Variants in MAP1LC3A observed in about 807,000 individuals in gnomAD.
MAP1LC3A encodes the protein microtubule associated protein 1 light chain 3 alpha, also known as microtubule-associated protein 1 light chain 3 alpha.
A neutral mutation model predicts 15.2 loss-of-function variants in MAP1LC3A; 10 were observed. The observed-to-expected ratio is 0.66, with a 90% CI of 0.41 to 1.12. The LOEUF is 1.12. MAP1LC3A is among the 50% of genes most tolerant of loss of function. The pLI is 0.00. For synonymous variants in MAP1LC3A, 63 were observed against 64.3 expected (o/e 0.98, Z 0.10); for missense variants, 138 against 167.3 (o/e 0.82, Z 0.97).
At chr20:34,559,585 G>A in intron 3 of MAP1LC3A, 132 bp downstream of exon 3, 1 of 1,227,146 alleles carries the variant, frequency 8.1e-7, no homozygotes, top group Non-Finnish European at 1.2e-6. Context: ...TGGCTGGAAA[G>A]GTCAAGGTCG....
At chr20:34,555,365 G>A (rs569754047), upstream of MAP1LC3A, among the ~76,000 whole-genome samples, 26 of 151,520 alleles carry the variant, frequency 1.7e-4, no homozygotes, top group Non-Finnish European at 3.1e-4. Context: ...GGCTGGTCTC[G>A]AACTCCTGGC....
In MAP1LC3A at chr20:34,549,903, A is replaced by T; in HGVS notation, c.-73-2A>T. The stretch of plus-strand genomic sequence containing the variant: ...GCTGATTGCAGGCCCTGTTTCCCCC[A>T]GGACTCCATGGCTTCCGAGTTGCTG... On this transcript the variant is annotated splice_acceptor_variant, in intron 1 of 4. Coordinates refer to the MAP1LC3A transcript ENST00000374837. LOFTEE classifies it low-confidence loss of function (5UTR_SPLICE). 7.5e-7 allele frequency: 1 copy of T among 1,331,896 alleles called. No homozygotes were observed. Among genetic ancestry groups the T allele is most frequent in the South Asian group, 1.2e-5 (1 of 84,348 alleles). 82.5% of individuals were successfully genotyped at this position (1,331,896 alleles called of 1,614,324 possible).
At chr20:34,558,694 G>A, upstream of MAP1LC3A, 1 of 1,271,384 alleles carries the variant, frequency 7.9e-7, no homozygotes, top group Non-Finnish European at 9.9e-7. The surrounding 1 kb of genome is among the most constrained non-coding windows in gnomAD (Gnocchi z 4.3). Flanking sequence ...TCCCCTTTAA[G>A]GAATGTTGTG....
intron 1 of MAP1LC3A, among the ~76,000 whole-genome samples, chr20:34,549,699 G>A (rs1378130858): frequency 6.6e-6 from 1 of 152,176 alleles, no homozygotes; most frequent in Non-Finnish European, 1.5e-5. Flanking sequence ...GCTAGAAAAT[G>A]GGCGGTAACT....
chr20:34,558,928 C>T lies in MAP1LC3A; in HGVS notation c.40+20C>T, dbSNP rs1481276152. On this transcript the variant is annotated intron_variant, in intron 1 of 3. Transcript: ENST00000360668. This position sits in a 1 kb window ranked among gnomAD's most constrained non-coding sequence, Gnocchi z 4.3. ...GCTTCGGTGAGGCCCGGCAGGCGAGCTGCGAGCTCTGGGGCAGGGGTGCCG... is the reference window on the plus strand; with the variant it reads ...GCTTCGGTGAGGCCCGGCAGGCGAGTTGCGAGCTCTGGGGCAGGGGTGCCG... The T allele has an allele frequency of 7.2e-6, 10 of 1,381,306 alleles. No individual in the cohort carries two copies. The highest frequency in any genetic ancestry group is 9.3e-6 in the Non-Finnish European group (10 of 1,071,914). The allele number at this position is 1,381,306 out of a possible 1,614,324, so 85.6% of individuals were successfully genotyped here.
intron 1 of MAP1LC3A, 130 bp downstream of exon 1, chr20:34,559,038 G>T: frequency 1.5e-6 from 2 of 1,337,748 alleles, no homozygotes; most frequent in Non-Finnish European, 1.9e-6. Flanking sequence ...CTCCGGCCTG[G>T]GCGGGGGCTG....
Position 34,560,313 on chromosome 20 carries a change from C to T in MAP1LC3A, c.*415C>T, listed in dbSNP as rs1600576036. 1 of 187,470 alleles carries T rather than the reference C, an allele frequency of 5.3e-6. No homozygotes were observed. The highest frequency in any genetic ancestry group is 1.6e-4 in the East Asian group (1 of 6,180). The allele number at this position is 187,470 out of a possible 1,614,324, so 11.6% of individuals were successfully genotyped here. On this transcript the variant is annotated 3_prime_UTR_variant, in exon 4 of 4. Coordinates refer to ENST00000360668, the MANE Select transcript of MAP1LC3A (RefSeq NM_032514.4). ...GTATGGATCTGTGGTCATTGTCCCT[C>T]TGCAGAATAAAGATTGCTCAGGCCT...
intron 1 of MAP1LC3A, among the ~76,000 whole-genome samples, chr20:34,549,732 G>A (rs1981875376): frequency 1.3e-5 from 2 of 152,310 alleles, no homozygotes; most frequent in South Asian, 4.1e-4. Flanking sequence ...CATGGCCAGA[G>A]GTGGTAACTT....
chr20:34,559,796 G>C lies in MAP1LC3A; in HGVS notation c.264G>C (p.Met88Ile), dbSNP rs147479909. 4 of 1,613,796 alleles carry C rather than the reference G, an allele frequency of 2.5e-6. No homozygotes were observed. Among genetic ancestry groups the C allele is most frequent in the Non-Finnish European group, 3.4e-6 (4 of 1,179,994 alleles). Residue 88 changes from methionine (M) to isoleucine (I), a missense_variant, in exon 4 of 4, where the codon ATG (methionine) becomes ATC (isoleucine). Transcript: ENST00000360668. The part of the protein sequence containing the change: ...AFFLLVNQHS[M>I]VSVSTPIADI... The stretch of plus-strand genomic sequence containing the variant: ...TCCTGCTGGTGAACCAGCACAGCAT[G>C]GTGAGTGTGTCCACGCCCATCGCGG...
upstream of MAP1LC3A, among the ~76,000 whole-genome samples, chr20:34,554,958 T>C (rs1010023991): frequency 2.0e-5 from 3 of 151,972 alleles, no homozygotes; most frequent in African/African-American, 7.3e-5. Context: ...TCTGCCTGCC[T>C]TGGCCTCCCC....
Position 34,558,825 on chromosome 20 carries a change from C to T in MAP1LC3A, c.-44C>T, listed in dbSNP as rs753961365. 7.0e-6 allele frequency: 10 copies of T among 1,423,408 alleles called. No homozygotes were observed. Among genetic ancestry groups the T allele is most frequent in the Middle Eastern group, 2.3e-4 (1 of 4,396 alleles). 88.2% of individuals were successfully genotyped at this position (1,423,408 alleles called of 1,614,324 possible). On this transcript the variant is annotated 5_prime_UTR_variant, in exon 1 of 4. Coordinates refer to ENST00000360668, the MANE Select transcript of MAP1LC3A (RefSeq NM_032514.4). The surrounding 1 kb of genome is among the most constrained non-coding windows in gnomAD (Gnocchi z 4.3). ...AGCCCCCAAACCGCAGACACATCCC[C>T]GCGCCCCAGAGCCCCGGCCTGCGCG...
upstream of MAP1LC3A, among the ~76,000 whole-genome samples, chr20:34,555,803 C>A (rs1017300201): frequency 4.0e-5 from 6 of 151,640 alleles, no homozygotes; most frequent in Non-Finnish European, 7.4e-5. Context: ...AGGTATGAAC[C>A]ACCACACCTG....
chr20:34,558,620 C>T (rs563161095), upstream of MAP1LC3A: 107 of 1,222,814 alleles, frequency 8.8e-5, 1 homozygote, highest in African/African-American at 1.7e-3. The surrounding 1 kb of genome is among the most constrained non-coding windows in gnomAD (Gnocchi z 4.3). Flanking sequence ...GCTCTCTGCG[C>T]CGTGACGTCA....
In MAP1LC3A at chr20:34,558,819, C is replaced by G; in HGVS notation, c.-50C>G. 7.0e-7 allele frequency: 1 copy of G among 1,420,186 alleles called. No individual in the cohort carries two copies. Among genetic ancestry groups the G allele is most frequent in the Non-Finnish European group, 9.1e-7 (1 of 1,094,092 alleles). The allele number at this position is 1,420,186 out of a possible 1,614,324, so 88.0% of individuals were successfully genotyped here. On this transcript the variant is annotated 5_prime_UTR_variant, in exon 1 of 4. Transcript: ENST00000360668. This position sits in a 1 kb window ranked among gnomAD's most constrained non-coding sequence, Gnocchi z 4.3. ...CCCCGGAGCCCCCAAACCGCAGACA[C>G]ATCCCCGCGCCCCAGAGCCCCGGCC...
upstream of MAP1LC3A, among the ~76,000 whole-genome samples, chr20:34,555,416 A>T (rs1312844587): frequency 6.6e-6 from 1 of 152,104 alleles, no homozygotes; most frequent in East Asian, 1.9e-4. Context: ...AAGTGTTGGG[A>T]TTACAGGCGT....
intron 1 of MAP1LC3A, among the ~76,000 whole-genome samples, chr20:34,547,819 A>G (rs1422055660): frequency 6.6e-6 from 1 of 152,114 alleles, no homozygotes; most frequent in Non-Finnish European, 1.5e-5. Context: ...GAATGGACAA[A>G]TAGTTTCCCA....
At chr20:34,553,570 T>A (rs1179867248) in intron 2 of MAP1LC3A, among the ~76,000 whole-genome samples, 1 of 152,216 alleles carries the variant, frequency 6.6e-6, no homozygotes, top group Non-Finnish European at 1.5e-5. Flanking sequence ...TCACATTTAA[T>A]CTTCTGTGGC....
At chr20:34,553,405 C>A (rs1467552137) in intron 2 of MAP1LC3A, among the ~76,000 whole-genome samples, 1 of 152,058 alleles carries the variant, frequency 6.6e-6, no homozygotes, top group Admixed American at 6.5e-5. Context: ...GCGAGTCAGC[C>A]CTGCTGACTG....
At chr20:34,551,899 A>G (rs1490077847) in intron 2 of MAP1LC3A, among the ~76,000 whole-genome samples, 1 of 152,258 alleles carries the variant, frequency 6.6e-6, no homozygotes, top group Non-Finnish European at 1.5e-5. Context: ...AAATACTGAC[A>G]TGAATGTGAA....
Sources: allele counts gnomAD v4.1 joint callset (sites outside exome capture counted in the v4.1 genomes callset), GRCh38; gene constraint gnomAD v4.1.1; non-coding constraint Gnocchi (gnomAD v3.1); transcripts MANE v1.5; gene names NCBI Gene and HGNC (gene_info 2026-07-23, HGNC 2026-07-21).